Variants in DENND1B observed in about 807,000 individuals in gnomAD.
DENND1B encodes the protein DENN domain-containing protein 1B.
In DENND1B, 59 loss-of-function variants were observed where a neutral mutation model predicts 90.1. The ratio of observed to expected loss-of-function variants is 0.65; its 90% CI spans 0.53 to 0.81. DENND1B has a LOEUF of 0.81. Among genes scored for constraint, DENND1B ranks in the 40% least tolerant of loss-of-function variants. DENND1B has a pLI of 0.00. For missense variants in DENND1B, 862 were observed against 912.6 expected (o/e 0.94, Z 0.71); for synonymous variants, 337 against 324.6 (o/e 1.04, Z -0.41).
intron 3 of DENND1B, among the ~76,000 whole-genome samples, chr1:197,699,354 T>C (rs1004625396): frequency 1.3e-5 from 2 of 152,164 alleles, no homozygotes; most frequent in South Asian, 2.1e-4. Flanking sequence ...TTGATAAAAT[T>C]TGACATCCCT....
upstream of DENND1B, among the ~76,000 whole-genome samples, chr1:197,776,408 C>A (rs1657271736): frequency 6.6e-6 from 1 of 152,134 alleles, no homozygotes; most frequent in Non-Finnish European, 1.5e-5. Context: ...ACTGAGAAGA[C>A]AGGTAGAAAA....
chr1:197,553,801 A>G (rs1416670625), intron 15 of DENND1B, among the ~76,000 whole-genome samples: 1 of 152,132 alleles, frequency 6.6e-6, no homozygotes, highest in East Asian at 1.9e-4. Context: ...AGTTAAATAC[A>G]GTTGAGGTAA....
At chr1:197,768,225 T>A (rs1422216254) in intron 2 of DENND1B, among the ~76,000 whole-genome samples, 1 of 151,556 alleles carries the variant, frequency 6.6e-6, no homozygotes, top group Admixed American at 6.6e-5. Context: ...CTGCTCCTCC[T>A]CCTCCTTCTC....
At chr1:197,759,317 A>G (rs1420260085) in intron 2 of DENND1B, among the ~76,000 whole-genome samples, 1 of 151,672 alleles carries the variant, frequency 6.6e-6, no homozygotes, top group African/African-American at 2.4e-5. Flanking sequence ...AGAAATTAAT[A>G]TAAAATAATA....
intron 5 of DENND1B, among the ~76,000 whole-genome samples, chr1:197,667,736 C>T (rs951089407): frequency 6.6e-6 from 1 of 152,218 alleles, no homozygotes; most frequent in African/African-American, 2.4e-5. Context: ...TCACCATGAT[C>T]ACCTGACTTG....
chr1:197,757,126 A>C (rs1032456790), intron 2 of DENND1B, among the ~76,000 whole-genome samples: 18 of 152,140 alleles, frequency 1.2e-4, no homozygotes, highest in Non-Finnish European at 2.1e-4. Flanking sequence ...CCTTCTATTT[A>C]AAAGCATATT....
At chr1:197,681,132 T>C (rs781616223) in intron 3 of DENND1B, among the ~76,000 whole-genome samples, 5 of 152,138 alleles carry the variant, frequency 3.3e-5, no homozygotes, top group African/African-American at 4.8e-5. Context: ...TACTGAGATA[T>C]AATATGATGA....
intron 3 of DENND1B, among the ~76,000 whole-genome samples, chr1:197,678,358 CATATGA>C (rs934007023): frequency 5.1e-4 from 77 of 152,200 alleles, no homozygotes; most frequent in African/African-American, 1.6e-3. Context: ...AATTTTATTT[CATATGA>C]ATAACACTTT....
At chr1:197,707,068 C>A (rs187691300) in intron 3 of DENND1B, among the ~76,000 whole-genome samples, 7 of 152,070 alleles carry the variant, frequency 4.6e-5, no homozygotes, top group Non-Finnish European at 8.8e-5. Context: ...AAATGGAATA[C>A]TATTCAACTA....
chr1:197,716,818 T>C (rs1394746120), intron 2 of DENND1B, among the ~76,000 whole-genome samples: 1 of 152,002 alleles, frequency 6.6e-6, no homozygotes, highest in African/African-American at 2.4e-5. Flanking sequence ...AAGATGTTTG[T>C]GACAACTTTC....
Position 197,770,600 on chromosome 1 carries a change from G to GTA in DENND1B, c.82+2267_82+2268insTA, listed in dbSNP as rs1464093477. On this transcript the variant is annotated intron_variant, in intron 2 of 22. Coordinates refer to ENST00000620048, the MANE Select transcript of DENND1B (RefSeq NM_001195215.2). ...AGTGAAATTAGCCTGTTGTGTGTGT[G>GTA]TGTGTGTATATATATCTATAAATAT... Among the ~76,000 whole-genome samples, 3 of 145,938 alleles carry GTA rather than the reference G, an allele frequency of 2.1e-5. No individual in the cohort carries two copies. In the East Asian group the frequency reaches 5.9e-4, roughly 29 times the overall value.
At position 197,714,881 on chromosome 1, in the gene DENND1B, C is replaced by G. The variant is rs78375035; in HGVS notation, c.126+150G>C. The G allele has an allele frequency of 2.7e-3, 1,806 of 662,994 alleles. 22 individuals are homozygous for G. The highest frequency in any genetic ancestry group is 0.027 in the African/African-American group (1,474 of 54,308). 41.1% of individuals were successfully genotyped at this position (662,994 alleles called of 1,614,324 possible). On this transcript the variant is annotated intron_variant, in intron 3 of 22. Coordinates refer to ENST00000620048, the MANE Select transcript of DENND1B (RefSeq NM_001195215.2). ...AAAAGATTCTTCCATATATTCCGCA[C>G]ACATGCATTTTTGTCTCACAGTTGA...
At chr1:197,659,217 T>C (rs1654156330) in intron 5 of DENND1B, among the ~76,000 whole-genome samples, 2 of 151,550 alleles carry the variant, frequency 1.3e-5, no homozygotes. Context: ...TACTACATAA[T>C]TGTACACAGA....
At position 197,541,022 on chromosome 1, in the gene DENND1B, A is replaced by T. The variant is rs370350742; in HGVS notation, c.1351-7T>A. The T allele has an allele frequency of 6.2e-7, 1 of 1,612,468 alleles. No homozygotes were observed. Among genetic ancestry groups the T allele is most frequent in the African/African-American group, 1.3e-5 (1 of 74,982 alleles). On this transcript the variant is annotated splice_polypyrimidine_tract_variant and splice_region_variant and intron_variant, in intron 18 of 22. Transcript: ENST00000620048. The stretch of plus-strand genomic sequence containing the variant: ...GCTTTGCATGATTTTTTGCCTAGAA[A>T]ATGATAATGAATGTGCCTGGCTCAG...
At chr1:197,640,726 C>A (rs1680199892) in intron 10 of DENND1B, among the ~76,000 whole-genome samples, 1 of 152,152 alleles carries the variant, frequency 6.6e-6, no homozygotes, top group Non-Finnish European at 1.5e-5. Flanking sequence ...AACATATACT[C>A]AGATTTATTT....
intron 18 of DENND1B, 58 bp from the exon 19 acceptor site, chr1:197,541,073 TA>T (rs1670303453): frequency 7.0e-7 from 1 of 1,430,554 alleles, no homozygotes. Context: ...ATTTAAAGAA[TA>T]AGTATACAAG....
chr1:197,629,396 A>G (rs1679108723), intron 10 of DENND1B, among the ~76,000 whole-genome samples: 2 of 152,028 alleles, frequency 1.3e-5, no homozygotes, highest in African/African-American at 4.8e-5. Flanking sequence ...ATGAAACTGG[A>G]AATCATGATT....
chr1:197,568,044 CAGGGAGGGAGGGAAGG>C (rs997199423), intron 15 of DENND1B, among the ~76,000 whole-genome samples: 2 of 139,030 alleles, frequency 1.4e-5, no homozygotes, highest in African/African-American at 5.6e-5. Context: ...GGAAGGCAGG[CAGGGAGGGAGGGAAGG>C]AGGGAGGGAG....
intron 3 of DENND1B, among the ~76,000 whole-genome samples, chr1:197,684,152 GATAAA>G (rs1278539040): frequency 6.6e-6 from 1 of 152,146 alleles, no homozygotes; most frequent in Non-Finnish European, 1.5e-5. Flanking sequence ...ATAAAGACAA[GATAAA>G]ATAAATGCTT....
Sources: gnomAD v4.1 joint callset for allele counts (sites outside exome capture counted in the v4.1 genomes callset) on GRCh38, gnomAD v4.1.1 for gene constraint, MANE v1.5 for transcripts, NCBI Gene and HGNC (gene_info 2026-07-23, HGNC 2026-07-21) for gene names.